The following PCDHGA3 variants were observed in gnomAD, a reference collection of about 807,000 sequenced individuals.
PCDHGA3 encodes protocadherin gamma-A3.
In PCDHGA3, 40 loss-of-function variants were observed where a neutral mutation model predicts 58.5. The ratio of observed to expected loss-of-function variants is 0.68; its 90% CI spans 0.53 to 0.89. The LOEUF (loss-of-function observed/expected upper bound fraction) is 0.89, where lower values mean the gene tolerates loss of function less well. Among genes scored for constraint, PCDHGA3 ranks in the 40% least tolerant of loss-of-function variants. The pLI, the probability that PCDHGA3 is intolerant of heterozygous loss-of-function variation, is 0.00. For missense variants in PCDHGA3, 1,223 were observed against 1,195.9 expected, an observed-to-expected ratio of 1.02 and a Z score of -0.33; for synonymous variants, 530 against 525.7, an observed-to-expected ratio of 1.01 and a Z score of -0.11.
At chr5:141,374,608 T>A in intron 1 of PCDHGA3, 1 of 1,613,602 alleles carries the variant, frequency 6.2e-7, no homozygotes, top group South Asian at 1.1e-5. Context: ...TCAGTGGTAA[T>A]AGTCACTTCT....
At chr5:141,349,878 C>T (rs1335330888) in intron 1 of PCDHGA3, among the ~76,000 whole-genome samples, 1 of 152,058 alleles carries the variant, frequency 6.6e-6, no homozygotes, top group Non-Finnish European at 1.5e-5. Context: ...GATGAAGGCC[C>T]TTATCTGATG....
At chr5:141,375,126 T>C (rs752210240) in intron 1 of PCDHGA3, 10 of 1,613,870 alleles carry the variant, frequency 6.2e-6, no homozygotes, top group African/African-American at 2.7e-5. Flanking sequence ...CCAGAAGTGG[T>C]TGTTACATCT....
intron 2 of PCDHGA3, among the ~76,000 whole-genome samples, chr5:141,502,686 C>T (rs2099815631): frequency 6.6e-6 from 1 of 152,136 alleles, no homozygotes; most frequent in Admixed American, 6.5e-5. Flanking sequence ...CCCTGATGAT[C>T]CTTGCCTGTA....
rs780268305 is a variant in PCDHGA3, at chr5:141,410,637, T to G, written c.2424+64180T>G. 1.9e-6 allele frequency: 3 copies of G among 1,599,938 alleles called. No homozygotes were observed. In the South Asian group the frequency reaches 3.3e-5, roughly 18 times the overall value. ...CTGACTTCGGTGAGTTTCTCTTTTT[T>G]GTGTGTGATTTATCTAATAGTCTAC... On this transcript the variant is annotated intron_variant, in intron 1 of 3. Transcript: ENST00000253812.
In PCDHGA3 at chr5:141,432,220, C is replaced by A. The variant is rs949257429; in HGVS notation, c.2425-62587C>A. ...CCGACTGTGAAGAGAACGCCCAGAT[C>A]ACTTATTCCCTGGCTGAGAACACCA... On this transcript the variant is annotated intron_variant, in intron 1 of 3. Coordinates refer to ENST00000253812, the MANE Select transcript of PCDHGA3 (RefSeq NM_018916.4). This position sits in a 1 kb window ranked among gnomAD's most constrained non-coding sequence, Gnocchi z 6.0. The A allele has an allele frequency of 2.5e-6, 4 of 1,614,246 alleles. No homozygotes were observed. The highest frequency in any genetic ancestry group is 1.6e-4 in the Middle Eastern group (1 of 6,062).
chr5:141,473,892 G>C (rs1247711441), intron 1 of PCDHGA3, among the ~76,000 whole-genome samples: 1 of 152,138 alleles, frequency 6.6e-6, no homozygotes, highest in African/African-American at 2.4e-5. Context: ...GGGTTCTGTT[G>C]GTTCATGAAG....
At chr5:141,423,160 G>A (rs1272708122) in intron 1 of PCDHGA3, 16 of 1,613,046 alleles carry the variant, frequency 9.9e-6, no homozygotes, top group Non-Finnish European at 1.2e-5. Flanking sequence ...GAGCCTCGTG[G>A]TGGCCGTCCA....
intron 1 of PCDHGA3, chr5:141,428,440 G>A (rs890993546): frequency 1.0e-5 from 4 of 393,892 alleles, no homozygotes; most frequent in African/African-American, 8.2e-5. Flanking sequence ...GACTAGACCA[G>A]GGGTTTTTCC....
In PCDHGA3 at chr5:141,432,611, T is replaced by G. The variant is rs141541670; in HGVS notation, c.2425-62196T>G. The G allele has an allele frequency of 4.2e-4, 676 of 1,613,808 alleles. 1 individual carries two copies. The African/African-American group carries it at 5.6e-3, about 13-fold the overall frequency. On this transcript the variant is annotated intron_variant, in intron 1 of 3. Coordinates refer to ENST00000253812, the MANE Select transcript of PCDHGA3 (RefSeq NM_018916.4). This position sits in a 1 kb window ranked among gnomAD's most constrained non-coding sequence, Gnocchi z 6.0. ...CAAGGCCAGCGAGCCGGGACTCTTC[T>G]CGGTGGGTCTGCACACGGGCGAGGT...
At position 141,477,458 on chromosome 5, in the gene PCDHGA3, T is replaced by C; in HGVS notation, c.2425-17349T>C. 6.2e-7 allele frequency: 1 copy of C among 1,614,126 alleles called. No homozygotes were observed. The highest frequency in any genetic ancestry group is 8.5e-7 in the Non-Finnish European group (1 of 1,180,022). ...CCTTACAATAGTGCGTGTTCAAGTG[T>C]CCGACATCAATGACAACCCTCCACA... On this transcript the variant is annotated intron_variant, in intron 1 of 3. Transcript: ENST00000253812. This position sits in a 1 kb window ranked among gnomAD's most constrained non-coding sequence, Gnocchi z 4.9.
At chr5:141,422,725 G>C (rs1424048338) in intron 1 of PCDHGA3, 1 of 1,606,156 alleles carries the variant, frequency 6.2e-7, no homozygotes, top group African/African-American at 1.3e-5. Flanking sequence ...TGTCCAGGGG[G>C]TGCCTCTGTC....
At chr5:141,398,061 A>G (rs541058758) in intron 1 of PCDHGA3, 863 of 1,544,254 alleles carry the variant, frequency 5.6e-4, no homozygotes, top group Middle Eastern at 1.5e-3. Flanking sequence ...CCAAAAATCT[A>G]CAATACAGAG....
chr5:141,428,368 C>T, intron 1 of PCDHGA3: 1 of 545,002 alleles, frequency 1.8e-6, no homozygotes, highest in Non-Finnish European at 3.4e-6. Context: ...GGTCGCCTTG[C>T]ACCTGCGATG....
At position 141,491,682 on chromosome 5, in the gene PCDHGA3, G is replaced by A. The variant is rs11952292; in HGVS notation, c.2425-3125G>A. The A allele has an allele frequency of 1.9e-6, 3 of 1,613,150 alleles. No individual in the cohort carries two copies. Among genetic ancestry groups the A allele is most frequent in the South Asian group, 1.1e-5 (1 of 91,046 alleles). On this transcript the variant is annotated intron_variant, in intron 1 of 3. Coordinates refer to ENST00000253812, the MANE Select transcript of PCDHGA3 (RefSeq NM_018916.4). The surrounding 1 kb of genome is among the most constrained non-coding windows in gnomAD (Gnocchi z 6.9). Reference sequence around the variant, plus strand: ...ACGCCATCCGGTCCCGCTCTAATACGCTGCGGGAGCGGAGCCAGGTGAGGG... The same window carrying A: ...ACGCCATCCGGTCCCGCTCTAATACACTGCGGGAGCGGAGCCAGGTGAGGG...
intron 1 of PCDHGA3, chr5:141,414,478 C>T (rs977591382): frequency 5.6e-6 from 9 of 1,613,884 alleles, no homozygotes; most frequent in Non-Finnish European, 3.4e-6. Flanking sequence ...GGGAAGTCCT[C>T]CTCTATCAAC....
chr5:141,508,723 G>A (rs941469412), intron 3 of PCDHGA3, among the ~76,000 whole-genome samples: 2 of 151,814 alleles, frequency 1.3e-5, no homozygotes, highest in African/African-American at 4.8e-5. Context: ...TGTGTGCAGG[G>A]AGACTACACC....
chr5:141,443,207 C>T (rs907169095), intron 1 of PCDHGA3, among the ~76,000 whole-genome samples: 5 of 152,064 alleles, frequency 3.3e-5, no homozygotes, highest in African/African-American at 1.2e-4. Context: ...AAGAGCTTGT[C>T]TCGCCAGGCG....
chr5:141,346,324 G>A lies in PCDHGA3; in HGVS notation c.2291G>A (p.Arg764Gln), dbSNP rs1354515238. The stretch of plus-strand genomic sequence containing the variant: ...GAGGTCTCCCTCACTGCGGACTCGC[G>A]GAAGAGCCACCTGATTTTCCCCCAG... ...SHEVSLTADS[R>Q]KSHLIFPQPN... Residue 764 changes from arginine to glutamine, a missense_variant, in exon 1 of 4, where the codon CGG becomes CAG. By Grantham distance (43) the Arg-to-Gln change is conservative. Around this residue, in one of 3 missense-constraint regions of PCDHGA3, gnomAD observed 325 missense variants for 327.5 expected, o/e 0.99. Transcript: ENST00000253812. The A allele has an allele frequency of 6.8e-6, 11 of 1,614,048 alleles. No individual in the cohort carries two copies. The highest frequency in any genetic ancestry group is 2.2e-5 in the South Asian group (2 of 91,082).
intron 1 of PCDHGA3, among the ~76,000 whole-genome samples, chr5:141,457,477 C>A (rs964080100): frequency 2.0e-5 from 3 of 152,134 alleles, no homozygotes; most frequent in African/African-American, 7.2e-5. Context: ...TAAGCAGGGC[C>A]AGGGTTAGTC....
Sources: allele counts gnomAD v4.1 joint callset (sites outside exome capture counted in the v4.1 genomes callset), GRCh38; gene constraint gnomAD v4.1.1; regional missense constraint gnomAD v4.1.1; non-coding constraint Gnocchi (gnomAD v3.1); transcripts MANE v1.5; gene names NCBI Gene and HGNC (gene_info 2026-07-23, HGNC 2026-07-21).